The following PRKACB variants were observed in gnomAD, a reference collection of about 807,000 sequenced individuals.
PRKACB encodes the protein protein kinase cAMP-activated catalytic subunit beta.
Under a neutral mutation model 51.4 loss-of-function variants are expected in PRKACB, and 16 were observed. The ratio of observed to expected loss-of-function variants is 0.31; its 90% CI spans 0.21 to 0.47. The LOEUF (loss-of-function observed/expected upper bound fraction) is 0.47. Among genes scored for constraint, PRKACB ranks in the 20% least tolerant of loss-of-function variants. PRKACB has a pLI of 1.00. For missense variants in PRKACB, 309 were observed against 464.5 expected (o/e 0.67, Z 3.08); for synonymous variants, 147 against 154.4 (o/e 0.95, Z 0.35).
intron 1 of PRKACB, among the ~76,000 whole-genome samples, chr1:84,148,245 C>G (rs1251680134): frequency 6.6e-6 from 1 of 152,126 alleles, no homozygotes; most frequent in Non-Finnish European, 1.5e-5. Context: ...GGTATCATCT[C>G]TGTAACAAAA....
intron 9 of PRKACB, among the ~76,000 whole-genome samples, chr1:84,216,955 T>C (rs1426768749): frequency 6.6e-6 from 1 of 152,230 alleles, no homozygotes; most frequent in Non-Finnish European, 1.5e-5. Flanking sequence ...TTAACTTTTA[T>C]GCTTTGAGCA....
chr1:84,172,680 CTA>C (rs1659926798), intron 1 of PRKACB, among the ~76,000 whole-genome samples: 1 of 149,650 alleles, frequency 6.7e-6, no homozygotes, highest in South Asian at 2.1e-4. Context: ...CCATATAAAA[CTA>C]TAGTAAAAAT....
At chr1:84,088,508 A>C (rs188055395) in intron 1 of PRKACB, among the ~76,000 whole-genome samples, 2 of 152,304 alleles carry the variant, frequency 1.3e-5, no homozygotes, top group East Asian at 3.9e-4. Context: ...TGTGAGCCAC[A>C]AACTTGAGAG....
In PRKACB at chr1:84,159,819, T is replaced by G. The variant is rs370279256; in HGVS notation, c.187+15271T>G. 1.2e-3 allele frequency among the ~76,000 whole-genome samples: 186 copies of G among 152,244 alleles called. 2 individuals are homozygous for G. The highest frequency in any genetic ancestry group is 4.3e-3 in the African/African-American group (177 of 41,566). ...TGGCTGTTGGATTTTGTGGAGTGCT[T>G]CTTCTGCATATATTGAGATGATTAT... On this transcript the variant is annotated intron_variant, in intron 1 of 9. Transcript: ENST00000370685.
chr1:84,134,288 A>G (rs1652566834), intron 1 of PRKACB, among the ~76,000 whole-genome samples: 1 of 152,166 alleles, frequency 6.6e-6, no homozygotes, highest in Non-Finnish European at 1.5e-5. Context: ...AAGTGAGAAA[A>G]CAGGAATGTA....
chr1:84,170,875 TA>T (rs1659229948), intron 1 of PRKACB, among the ~76,000 whole-genome samples: 1 of 151,586 alleles, frequency 6.6e-6, no homozygotes, highest in African/African-American at 2.4e-5. Context: ...TTTATAGATA[TA>T]GATAGAGAAT....
chr1:84,118,546 A>C (rs1650812409), intron 1 of PRKACB, among the ~76,000 whole-genome samples: 1 of 152,170 alleles, frequency 6.6e-6, no homozygotes, highest in African/African-American at 2.4e-5. Flanking sequence ...ACAAAAGAAA[A>C]AATCTAAGAA....
intron 1 of PRKACB, among the ~76,000 whole-genome samples, chr1:84,137,123 A>G (rs980690500): frequency 6.6e-6 from 1 of 152,164 alleles, no homozygotes; most frequent in African/African-American, 2.4e-5. Flanking sequence ...CTGTGAGTCA[A>G]TCAAACCCCT....
intron 5 of PRKACB, among the ~76,000 whole-genome samples, chr1:84,195,861 C>T (rs2101190244): frequency 6.7e-6 from 1 of 150,340 alleles, no homozygotes; most frequent in East Asian, 2.0e-4. Context: ...TGCAGTGAGC[C>T]AAGATTGTGC....
At chr1:84,180,836 A>G (rs552874134) in intron 2 of PRKACB, among the ~76,000 whole-genome samples, 3 of 152,134 alleles carry the variant, frequency 2.0e-5, no homozygotes, top group African/African-American at 4.8e-5. Context: ...TATTTTTATA[A>G]TACAAAGAAA....
intron 1 of PRKACB, among the ~76,000 whole-genome samples, chr1:84,147,845 G>C (rs1171263522): frequency 6.6e-6 from 1 of 152,060 alleles, no homozygotes; most frequent in Non-Finnish European, 1.5e-5. Context: ...AGAAAATTAG[G>C]TTCTGGATTT....
At chr1:84,078,734 T>C (rs1039383649) in intron 1 of PRKACB, among the ~76,000 whole-genome samples, 2 of 152,164 alleles carry the variant, frequency 1.3e-5, no homozygotes, top group African/African-American at 4.8e-5. Context: ...GCCGACTCTT[T>C]GGGAGCTACA....
chr1:84,092,727 C>T (rs1439817443), intron 1 of PRKACB, among the ~76,000 whole-genome samples: 1 of 152,100 alleles, frequency 6.6e-6, no homozygotes, highest in Admixed American at 6.5e-5. Context: ...GTTTTAGTCG[C>T]TCCACATCCT....
At chr1:84,093,239 A>G (rs567775824) in intron 1 of PRKACB, among the ~76,000 whole-genome samples, 1 of 150,864 alleles carries the variant, frequency 6.6e-6, no homozygotes, top group Non-Finnish European at 1.5e-5. Flanking sequence ...CATATTTAGA[A>G]CTACAGTCTG....
chr1:84,148,188 C>A (rs1172624912), intron 1 of PRKACB, among the ~76,000 whole-genome samples: 1 of 152,118 alleles, frequency 6.6e-6, no homozygotes, highest in Non-Finnish European at 1.5e-5. Flanking sequence ...TCTCTTTCTT[C>A]ACTTCTACCA....
In PRKACB at chr1:84,202,949, A is replaced by G. The variant is rs1670553485; in HGVS notation, c.906+144A>G. 11 of 764,648 alleles carry G rather than the reference A, an allele frequency of 1.4e-5. No individual in the cohort carries two copies. The East Asian group carries it at 3.4e-4, about 24-fold the overall frequency. The allele number at this position is 764,648 out of a possible 1,614,324, so 47.4% of individuals were successfully genotyped here. ...TACAGTTGCTGCTCTTACTATCATAAGAATTGAATCATTTCAGTCTCTTAA... is the reference window on the plus strand; with the variant it reads ...TACAGTTGCTGCTCTTACTATCATAGGAATTGAATCATTTCAGTCTCTTAA... On this transcript the variant is annotated intron_variant, in intron 8 of 9. Coordinates refer to ENST00000370685, the MANE Select transcript of PRKACB (RefSeq NM_182948.4).
rs776990849 is a variant in PRKACB, at chr1:84,237,103, A to G, written c.*1798A>G. ...GTGTTTCTGCATGGTAATGTCATGT[A>G]AATGCTGATATTGATTTCACTGGTC... On this transcript the variant is annotated 3_prime_UTR_variant, in exon 10 of 10. Transcript: ENST00000370685. 1.3e-5 allele frequency: 2 copies of G among 152,452 alleles called. No individual in the cohort carries two copies. Among genetic ancestry groups the G allele is most frequent in the African/African-American group, 2.4e-5 (1 of 41,454 alleles). The allele number at this position is 152,452 out of a possible 1,614,324, so 9.4% of individuals were successfully genotyped here.
intron 1 of PRKACB, among the ~76,000 whole-genome samples, chr1:84,094,432 T>C (rs1648766123): frequency 6.6e-6 from 1 of 152,004 alleles, no homozygotes; most frequent in East Asian, 1.9e-4. Flanking sequence ...GTGAATTTGG[T>C]TTGCTAAAAT....
intron 7 of PRKACB, among the ~76,000 whole-genome samples, chr1:84,199,071 A>G (rs1484166965): frequency 2.0e-5 from 1 of 50,216 alleles, no homozygotes; most frequent in African/African-American, 4.2e-5. Context: ...GTATATATGC[A>G]TATATGTATA....
Sources: gnomAD v4.1 joint callset for allele counts (sites outside exome capture counted in the v4.1 genomes callset) on GRCh38, gnomAD v4.1.1 for gene constraint, MANE v1.5 for transcripts, NCBI Gene and HGNC (gene_info 2026-07-23, HGNC 2026-07-21) for gene names.